The following PLEKHM3 variants were observed in gnomAD, a reference collection of about 807,000 sequenced individuals.
The protein encoded by PLEKHM3 is pleckstrin homology domain-containing family M member 3.
Under a neutral mutation model 81.8 loss-of-function variants are expected in PLEKHM3, and 45 were observed. The ratio of observed to expected loss-of-function variants is 0.55; its 90% CI spans 0.43 to 0.71. The LOEUF is 0.71. Among genes scored for constraint, PLEKHM3 ranks in the 30% least tolerant of loss-of-function variants. The pLI is 0.00. For missense variants in PLEKHM3, 788 were observed against 924.3 expected, an observed-to-expected ratio of 0.85 and a Z score of 1.91; for synonymous variants, 352 against 356.4, an observed-to-expected ratio of 0.99 and a Z score of 0.14.
At chr2:207,892,572 C>T (rs1369987309) in intron 6 of PLEKHM3, among the ~76,000 whole-genome samples, 2 of 152,192 alleles carry the variant, frequency 1.3e-5, no homozygotes, top group Non-Finnish European at 2.9e-5. Flanking sequence ...ACCCTTCCCT[C>T]TCCACCCTTG....
intron 6 of PLEKHM3, among the ~76,000 whole-genome samples, chr2:207,884,064 C>T (rs148188667): frequency 0.024 from 3,595 of 151,986 alleles, 133 homozygotes; most frequent in African/African-American, 0.081. Context: ...TTTGGGAGGC[C>T]GAGGTGGGAG....
chr2:207,836,830 G>C lies in PLEKHM3; in HGVS notation c.2109-8334C>G, dbSNP rs2092321905. On this transcript the variant is annotated intron_variant, in intron 7 of 7. Coordinates refer to ENST00000427836, the MANE Select transcript of PLEKHM3 (RefSeq NM_001080475.3). ...GCAATGGCCTCAGATATTTCACTTG[G>C]ATTGAAATTCAGGCTTCAGTTTGGT... Among the ~76,000 whole-genome samples the C allele has an allele frequency of 1.3e-5, 2 of 152,304 alleles. 1 individual carries two copies. Among genetic ancestry groups the C allele is most frequent in the South Asian group, 4.1e-4 (2 of 4,828 alleles).
intron 6 of PLEKHM3, among the ~76,000 whole-genome samples, chr2:207,895,636 A>T (rs1688198938): frequency 6.6e-6 from 1 of 152,152 alleles, no homozygotes; most frequent in Non-Finnish European, 1.5e-5. Flanking sequence ...CTCAGCTGCA[A>T]TGGGCTCTCT....
chr2:207,959,336 A>T (rs1391709462), intron 3 of PLEKHM3, among the ~76,000 whole-genome samples: 1 of 152,174 alleles, frequency 6.6e-6, no homozygotes, highest in Non-Finnish European at 1.5e-5. Context: ...TTCCCCAGTT[A>T]CATCTCTCTT....
At chr2:207,866,131 A>G (rs1431818606) in intron 6 of PLEKHM3, among the ~76,000 whole-genome samples, 1 of 151,974 alleles carries the variant, frequency 6.6e-6, no homozygotes, top group Non-Finnish European at 1.5e-5. Context: ...CTTTCATCAC[A>G]TACCATCTCT....
At chr2:207,920,579 G>GA (rs35352036) in intron 5 of PLEKHM3, among the ~76,000 whole-genome samples, 2 of 150,274 alleles carry the variant, frequency 1.3e-5, no homozygotes, top group Non-Finnish European at 3.0e-5. Context: ...TAAAATGAGA[G>GA]AAAAAAAAAT....
chr2:207,941,695 T>G (rs1325828223), intron 4 of PLEKHM3, among the ~76,000 whole-genome samples: 1 of 151,974 alleles, frequency 6.6e-6, no homozygotes, highest in African/African-American at 2.4e-5. Flanking sequence ...ATGTACAAAA[T>G]GGAAGAAAAT....
At chr2:207,832,609 T>C (rs1404399600) in intron 7 of PLEKHM3, among the ~76,000 whole-genome samples, 4 of 151,034 alleles carry the variant, frequency 2.6e-5, no homozygotes, top group African/African-American at 9.8e-5. Context: ...CTGGTCAAAA[T>C]GGTGAAACCC....
At chr2:207,874,405 T>C (rs2092550492) in intron 6 of PLEKHM3, among the ~76,000 whole-genome samples, 1 of 151,920 alleles carries the variant, frequency 6.6e-6, no homozygotes, top group African/African-American at 2.4e-5. Flanking sequence ...ACAAACCCTG[T>C]CTTTACTGAA....
intron 1 of PLEKHM3, among the ~76,000 whole-genome samples, chr2:208,015,165 A>G (rs1036867620): frequency 2.0e-5 from 3 of 152,236 alleles, no homozygotes; most frequent in African/African-American, 7.2e-5. Context: ...AGCTGCTATT[A>G]TTACTACTTT....
At chr2:207,851,623 C>T (rs1220929338) in intron 7 of PLEKHM3, 2 of 151,456 alleles carry the variant, frequency 1.3e-5, no homozygotes, top group African/African-American at 4.9e-5. Flanking sequence ...GCCTGTAATC[C>T]CAGATACACC....
In PLEKHM3 at chr2:207,908,189, T is replaced by C. The variant is rs182978600; in HGVS notation, c.1950+325A>G. On this transcript the variant is annotated intron_variant, in intron 6 of 7. Coordinates refer to ENST00000427836, the MANE Select transcript of PLEKHM3 (RefSeq NM_001080475.3). The stretch of plus-strand genomic sequence containing the variant: ...TTTTCTATGGACATATGTTTTCAAC[T>C]CTCTTGGGTATATACCTAGGAGTAA... Among the ~76,000 whole-genome samples the C allele has an allele frequency of 2.1e-3, 326 of 152,322 alleles. 2 individuals are homozygous for C. The highest frequency in any genetic ancestry group is 7.4e-3 in the African/African-American group (306 of 41,570).
chr2:207,978,349 ACTTTT>A lies in PLEKHM3; in HGVS notation c.611-768_611-764del, dbSNP rs550830581. Among the ~76,000 whole-genome samples, 484 of 149,940 alleles carry A rather than the reference ACTTTT, an allele frequency of 3.2e-3. 2 individuals carry two copies. The highest frequency in any genetic ancestry group is 0.011 in the African/African-American group (439 of 41,054). ...AAAAGTAATTGCGGTTTTTACCATT[ACTTTT>A]AACGGTAAAAACCGCAATTACTTTT... On this transcript the variant is annotated intron_variant, in intron 2 of 7. Transcript: ENST00000427836.
chr2:207,983,555 A>C (rs1325572595), intron 2 of PLEKHM3, among the ~76,000 whole-genome samples: 2 of 151,514 alleles, frequency 1.3e-5, no homozygotes, highest in East Asian at 3.9e-4. Flanking sequence ...CATGAATTTC[A>C]TACTGAAACC....
At chr2:207,877,677 T>C (rs757121341) in intron 6 of PLEKHM3, among the ~76,000 whole-genome samples, 2 of 152,178 alleles carry the variant, frequency 1.3e-5, no homozygotes, top group Non-Finnish European at 2.9e-5. Flanking sequence ...AACTGAAGTA[T>C]AACACATATA....
At chr2:207,844,083 G>GA (rs1173536623) in intron 7 of PLEKHM3, among the ~76,000 whole-genome samples, 31 of 143,744 alleles carry the variant, frequency 2.2e-4, no homozygotes, top group East Asian at 6.0e-4. Context: ...ACCCTGTCTC[G>GA]AAAAAAAAAA....
chr2:207,893,598 T>C (rs1458487920), intron 6 of PLEKHM3, among the ~76,000 whole-genome samples: 1 of 152,194 alleles, frequency 6.6e-6, no homozygotes, highest in Non-Finnish European at 1.5e-5. Context: ...TATATGTCAA[T>C]AATTCAAACC....
chr2:207,911,857 G>A (rs927595010), intron 5 of PLEKHM3, among the ~76,000 whole-genome samples: 5 of 152,166 alleles, frequency 3.3e-5, no homozygotes, highest in South Asian at 2.1e-4. Flanking sequence ...AATGATTTAC[G>A]GCAGGGACAA....
intron 2 of PLEKHM3, among the ~76,000 whole-genome samples, chr2:207,985,398 T>TA (rs1691682774): frequency 6.6e-6 from 1 of 151,978 alleles, no homozygotes; most frequent in Admixed American, 6.6e-5. Flanking sequence ...ATTTTTGCCT[T>TA]ATATTTCAAA....
Sources: allele counts gnomAD v4.1 joint callset (sites outside exome capture counted in the v4.1 genomes callset), GRCh38; gene constraint gnomAD v4.1.1; transcripts MANE v1.5; gene names NCBI Gene and HGNC (gene_info 2026-07-23, HGNC 2026-07-21).